XIRP2: variants seen among roughly 807,000 people sequenced by gnomAD.
The protein encoded by XIRP2 is xin actin binding repeat containing 2, also known as xin actin-binding repeat-containing protein 2.
A neutral mutation model predicts 277.0 loss-of-function variants in XIRP2; 236 were observed. The ratio of observed to expected loss-of-function variants is 0.85; its 90% confidence interval spans 0.77 to 0.95. The LOEUF is 0.95. Among genes scored for constraint, XIRP2 ranks in the 40% least tolerant of loss-of-function variants. The probability of loss-of-function intolerance (pLI) is 0.00; values close to 1 mark genes in which losing one functional copy is unlikely to be tolerated. For missense variants in XIRP2, 4,640 were observed against 4,157.5 expected (o/e 1.12, Z -3.19); for synonymous variants, 1,490 against 1,416.5 (o/e 1.05, Z -1.17).
At position 167,251,042 on chromosome 2, in the gene XIRP2, C is replaced by T. The variant is rs766579787; in HGVS notation, c.9650C>T (p.Ser3217Phe). Reference sequence around the variant, plus strand: ...GAGAAGAGGTCTGAAATCATCATGTCTCCTGCAACACTTCGTCGTCAAATT... The same window carrying T: ...GAGAAGAGGTCTGAAATCATCATGTTTCCTGCAACACTTCGTCGTCAAATT... ...IVEKRSEIIM[S>F]PATLRRQIKI... Residue 3217 changes from serine (S) to phenylalanine (F), a missense_variant, in exon 9 of 11, where the codon TCT becomes TTT. Transcript: ENST00000409195. 1.2e-6 allele frequency: 2 copies of T among 1,613,658 alleles called. No individual in the cohort carries two copies. The highest frequency in any genetic ancestry group is 2.2e-5 in the South Asian group (2 of 91,082).
intron 3 of XIRP2, among the ~76,000 whole-genome samples, chr2:167,149,501 T>C (rs954041768): frequency 8.5e-5 from 13 of 152,162 alleles, no homozygotes; most frequent in Admixed American, 3.3e-4. Context: ...GTTTATGACA[T>C]ATGTGGCAAT....
At chr2:167,059,514 T>G (rs1689127576) in intron 2 of XIRP2, among the ~76,000 whole-genome samples, 1 of 145,482 alleles carries the variant, frequency 6.9e-6, no homozygotes, top group African/African-American at 2.8e-5. Flanking sequence ...AAAAGAGGCT[T>G]GGAAGATATC....
intron 2 of XIRP2, among the ~76,000 whole-genome samples, chr2:167,034,543 A>C (rs1688458348): frequency 6.6e-6 from 1 of 152,040 alleles, no homozygotes; most frequent in Non-Finnish European, 1.5e-5. Context: ...TGCCTTCAAG[A>C]AACATACTTC....
At chr2:167,253,982 A>G in intron 9 of XIRP2, 50 bp from the exon 10 acceptor site, 2 of 1,517,520 alleles carry the variant, frequency 1.3e-6, no homozygotes, top group Non-Finnish European at 8.8e-7. Context: ...TGTTTTTACA[A>G]TATGATTGAA....
chr2:166,932,872 T>G (rs1685385568), intron 2 of XIRP2, among the ~76,000 whole-genome samples: 1 of 152,156 alleles, frequency 6.6e-6, no homozygotes, highest in South Asian at 2.1e-4. Flanking sequence ...GGATCTATTT[T>G]TGAACCAACT....
chr2:166,911,414 A>C (rs1442927879), intron 2 of XIRP2, among the ~76,000 whole-genome samples: 4 of 152,230 alleles, frequency 2.6e-5, no homozygotes, highest in Non-Finnish European at 4.4e-5. Context: ...CTGTTTTATC[A>C]GAGACTAGGA....
chr2:167,060,420 T>C (rs1424283328), intron 2 of XIRP2, among the ~76,000 whole-genome samples: 1 of 152,162 alleles, frequency 6.6e-6, no homozygotes, highest in Non-Finnish European at 1.5e-5. Flanking sequence ...TCCTGCCAAC[T>C]GACAAGCCTA....
intron 1 of XIRP2, among the ~76,000 whole-genome samples, chr2:166,902,616 T>G (rs79937506): frequency 0.06 from 9,058 of 151,630 alleles, 877 homozygotes; most frequent in East Asian, 0.49. Context: ...GTGTGTGTGT[T>G]TGTGTTTCTG....
chr2:167,250,628 C>A lies in XIRP2; in HGVS notation c.9236C>A (p.Thr3079Lys). The change falls in exon 9 of 11, where the codon ACA becomes AAA. Residue 3079 changes from threonine to lysine, a missense_variant. Physicochemically the swap from Thr to Lys is moderately conservative, Grantham distance 78 (BLOSUM62 -1). Coordinates refer to ENST00000409195, the MANE Select transcript of XIRP2 (RefSeq NM_152381.6). ...QKENKIAKEK[T>K]VQHQVAAHHE... ...GAAAATAAAATTGCCAAAGAGAAAACAGTACAGCACCAAGTAGCAGCTCAT... is the reference window on the plus strand; with the variant it reads ...GAAAATAAAATTGCCAAAGAGAAAAAAGTACAGCACCAAGTAGCAGCTCAT... 15 of 1,613,244 alleles carry A rather than the reference C, an allele frequency of 9.3e-6. No individual in the cohort carries two copies. The highest frequency in any genetic ancestry group is 1.3e-5 in the Non-Finnish European group (15 of 1,179,632).
At chr2:167,154,926 C>A (rs1309404318) in intron 3 of XIRP2, among the ~76,000 whole-genome samples, 1 of 151,928 alleles carries the variant, frequency 6.6e-6, no homozygotes, top group Non-Finnish European at 1.5e-5. Context: ...CACCACCGAT[C>A]CCACAGAAAT....
chr2:167,226,312 C>T (rs1360374037), intron 5 of XIRP2, among the ~76,000 whole-genome samples: 1 of 152,128 alleles, frequency 6.6e-6, no homozygotes, highest in Non-Finnish European at 1.5e-5. Flanking sequence ...TGCCATTTTG[C>T]AGCTGGTTTT....
intron 2 of XIRP2, among the ~76,000 whole-genome samples, chr2:166,973,138 A>G (rs1316059701): frequency 2.0e-5 from 3 of 152,102 alleles, no homozygotes; most frequent in African/African-American, 7.2e-5. Flanking sequence ...AAGTTTTTCT[A>G]TAGTCTGGCA....
chr2:167,049,265 C>G (rs1237189394), intron 2 of XIRP2, among the ~76,000 whole-genome samples: 1 of 151,560 alleles, frequency 6.6e-6, no homozygotes, highest in Non-Finnish European at 1.5e-5. Flanking sequence ...TTAAGGCCAG[C>G]AAGTGGCATG....
chr2:167,158,081 G>A (rs1349598868), intron 3 of XIRP2, among the ~76,000 whole-genome samples: 25 of 152,116 alleles, frequency 1.6e-4, no homozygotes, highest in Admixed American at 1.6e-3. Flanking sequence ...CTTACATTTT[G>A]CACTTAAAGA....
intron 3 of XIRP2, among the ~76,000 whole-genome samples, chr2:167,152,999 C>T (rs1332800029): frequency 6.6e-6 from 1 of 152,116 alleles, no homozygotes; most frequent in Non-Finnish European, 1.5e-5. Context: ...CGTGTATCTA[C>T]ATGATTATTT....
intron 2 of XIRP2, among the ~76,000 whole-genome samples, chr2:166,962,381 A>T (rs1201865769): frequency 1.3e-5 from 2 of 151,726 alleles, no homozygotes. Context: ...CCCATACAGC[A>T]GCTTACAGGG....
intron 3 of XIRP2, among the ~76,000 whole-genome samples, chr2:167,159,101 G>C (rs986944297): frequency 8.5e-5 from 13 of 152,110 alleles, no homozygotes; most frequent in Non-Finnish European, 7.4e-5. Context: ...TTCATAGAGG[G>C]GCTGCACTGG....
intron 2 of XIRP2, among the ~76,000 whole-genome samples, chr2:166,941,397 T>C (rs555824394): frequency 1.3e-5 from 2 of 152,340 alleles, no homozygotes; most frequent in African/African-American, 4.8e-5. Flanking sequence ...ACTTCCCAGG[T>C]AAGGCGATGC....
intron 3 of XIRP2, among the ~76,000 whole-genome samples, chr2:167,162,535 C>T (rs143640176): frequency 2.0e-5 from 3 of 152,234 alleles, no homozygotes; most frequent in East Asian, 3.9e-4. Flanking sequence ...TTCACTATCA[C>T]GAGAACAGCA....
Sources: allele counts gnomAD v4.1 joint callset (sites outside exome capture counted in the v4.1 genomes callset), GRCh38; gene constraint gnomAD v4.1.1; transcripts MANE v1.5; gene names NCBI Gene and HGNC (gene_info 2026-07-23, HGNC 2026-07-21).